The following LNX1 variants were observed in gnomAD, a reference collection of about 807,000 sequenced individuals.
The protein encoded by LNX1 is E3 ubiquitin-protein ligase LNX.
Under a neutral mutation model 68.4 loss-of-function variants are expected in LNX1, and 54 were observed. The observed-to-expected ratio is 0.79, with a 90% CI of 0.63 to 0.99. The LOEUF (loss-of-function observed/expected upper bound fraction) is 0.99. Among genes scored for constraint, LNX1 ranks in the 50% least tolerant of loss-of-function variants. The probability of loss-of-function intolerance (pLI) is 0.00; values close to 1 mark genes in which losing one functional copy is unlikely to be tolerated. For synonymous variants in LNX1, 336 were observed against 350.0 expected (o/e 0.96, Z 0.45); for missense variants, 906 against 926.4 (o/e 0.98, Z 0.29).
intron 2 of LNX1, among the ~76,000 whole-genome samples, chr4:53,512,849 G>A (rs1726456099): frequency 6.6e-6 from 1 of 152,044 alleles, no homozygotes; most frequent in African/African-American, 2.4e-5. Flanking sequence ...GGGGTTCCTG[G>A]GGCCAGGCTG....
intron 1 of LNX1, among the ~76,000 whole-genome samples, chr4:53,644,207 C>A (rs1275293549): frequency 1.3e-5 from 2 of 152,046 alleles, no homozygotes; most frequent in African/African-American, 4.8e-5. Context: ...TTGAGACCAG[C>A]CTGGCCAGCA....
At chr4:53,467,817 G>A (rs1231484984) in intron 9 of LNX1, among the ~76,000 whole-genome samples, 13 of 152,174 alleles carry the variant, frequency 8.5e-5, no homozygotes, top group African/African-American at 3.1e-4. Flanking sequence ...AATGAACAAA[G>A]TCTCCAAGAA....
Position 53,460,887 on chromosome 4 carries a change from C to T in LNX1, c.*20G>A. 1.9e-6 allele frequency: 3 copies of T among 1,601,728 alleles called. No homozygotes were observed. Among genetic ancestry groups the T allele is most frequent in the Non-Finnish European group, 2.6e-6 (3 of 1,174,674 alleles). On this transcript the variant is annotated 3_prime_UTR_variant, in exon 11 of 11. Coordinates refer to ENST00000263925, the MANE Select transcript of LNX1 (RefSeq NM_001126328.3). ...AGCCTATTTGTGATTTTTCTGTTTT[C>T]CTCTGACCCATCATTGATTCTATAA...
At position 53,459,548 on chromosome 4, in the gene LNX1, G is replaced by C. The variant is rs1369078516; in HGVS notation, c.*1359C>G. 3 of 1,526,320 alleles carry C rather than the reference G, an allele frequency of 2.0e-6. No homozygotes were observed. Among genetic ancestry groups the C allele is most frequent in the Non-Finnish European group, 2.7e-6 (3 of 1,110,606 alleles). The allele number at this position is 1,526,320 out of a possible 1,614,324, so 94.5% of individuals were successfully genotyped here. On this transcript the variant is annotated 3_prime_UTR_variant, in exon 11 of 11. Transcript: ENST00000263925. The stretch of plus-strand genomic sequence containing the variant: ...GTTTAAGAAATTTACCTTAAATCTT[G>C]TTCTGTTTGTTAGTATGAAAAGTTA...
At chr4:53,508,864 C>G (rs1466458539) in intron 2 of LNX1, among the ~76,000 whole-genome samples, 1 of 152,068 alleles carries the variant, frequency 6.6e-6, no homozygotes, top group African/African-American at 2.4e-5. Flanking sequence ...ATGTTGTCTA[C>G]CATTAAGAGA....
chr4:53,522,708 G>T (rs1727318651), intron 2 of LNX1, among the ~76,000 whole-genome samples: 1 of 152,056 alleles, frequency 6.6e-6, no homozygotes. Context: ...GATTTCAAAA[G>T]TAATTGAGGC....
chr4:53,644,323 C>A (rs1456015069), intron 1 of LNX1, among the ~76,000 whole-genome samples: 1 of 152,094 alleles, frequency 6.6e-6, no homozygotes, highest in Non-Finnish European at 1.5e-5. Context: ...ATCGCTTGAA[C>A]CCAGGAGGTG....
intron 4 of LNX1, among the ~76,000 whole-genome samples, chr4:53,506,268 C>T (rs576318429): frequency 6.6e-6 from 1 of 152,268 alleles, no homozygotes; most frequent in South Asian, 2.1e-4. Context: ...GTCCTATCCC[C>T]TTAACATTAT....
upstream of LNX1, among the ~76,000 whole-genome samples, chr4:53,621,154 A>G (rs1733853949): frequency 6.6e-6 from 1 of 152,178 alleles, no homozygotes; most frequent in African/African-American, 2.4e-5. Flanking sequence ...CTCCTGACCT[A>G]TGGCATCCAC....
At chr4:53,467,757 T>G (rs545730428) in intron 9 of LNX1, among the ~76,000 whole-genome samples, 18 of 151,752 alleles carry the variant, frequency 1.2e-4, no homozygotes, top group African/African-American at 4.4e-4. Flanking sequence ...GAAGACAAAA[T>G]GAATGAAATG....
intron 9 of LNX1, among the ~76,000 whole-genome samples, chr4:53,471,119 C>T (rs1723141123): frequency 7.2e-6 from 1 of 139,134 alleles, no homozygotes; most frequent in South Asian, 2.5e-4. Context: ...ACCAAAACAG[C>T]ATGGTACTGG....
chr4:53,600,215 C>T (rs541955904), intron 2 of LNX1, among the ~76,000 whole-genome samples: 20 of 152,162 alleles, frequency 1.3e-4, no homozygotes, highest in Non-Finnish European at 2.5e-4. Context: ...GTACTCTGTC[C>T]TCTAAGAGCC....
chr4:53,584,021 A>G (rs1731999886), intron 1 of LNX1, among the ~76,000 whole-genome samples: 1 of 152,218 alleles, frequency 6.6e-6, no homozygotes, highest in Non-Finnish European at 1.5e-5. Context: ...AGCTCTGTTC[A>G]TGCTAGGAGT....
chr4:53,563,279 C>A (rs1730408408), intron 2 of LNX1, among the ~76,000 whole-genome samples: 1 of 152,154 alleles, frequency 6.6e-6, no homozygotes, highest in Admixed American at 6.5e-5. Context: ...AAAGATCAAG[C>A]AAACCAATGC....
At chr4:53,462,037 C>A (rs1185811339) in intron 9 of LNX1, among the ~76,000 whole-genome samples, 1 of 152,036 alleles carries the variant, frequency 6.6e-6, no homozygotes, top group Non-Finnish European at 1.5e-5. Flanking sequence ...TAAGCCTAAT[C>A]CTAATAAATG....
At chr4:53,560,363 A>G (rs1475317539) in intron 2 of LNX1, among the ~76,000 whole-genome samples, 5 of 152,242 alleles carry the variant, frequency 3.3e-5, no homozygotes, top group Non-Finnish European at 7.3e-5. Context: ...TGACTGCAAT[A>G]TAAACATGAA....
chr4:53,608,589 C>T (rs781084127), intron 2 of LNX1, among the ~76,000 whole-genome samples: 7 of 152,076 alleles, frequency 4.6e-5, no homozygotes, highest in East Asian at 1.9e-4. Context: ...GATTACCATT[C>T]GACCCAACAA....
At chr4:53,538,010 A>T (rs1379583604) in intron 2 of LNX1, among the ~76,000 whole-genome samples, 1 of 152,240 alleles carries the variant, frequency 6.6e-6, no homozygotes, top group African/African-American at 2.4e-5. Flanking sequence ...ATTCTGTCTC[A>T]TTCTGAATAC....
At chr4:53,578,963 G>A (rs1731663439) in intron 1 of LNX1, among the ~76,000 whole-genome samples, 1 of 151,160 alleles carries the variant, frequency 6.6e-6, no homozygotes, top group Admixed American at 6.8e-5. Flanking sequence ...TATTTGCAGT[G>A]TATAGCTTAT....
Sources: allele counts gnomAD v4.1 joint callset (sites outside exome capture counted in the v4.1 genomes callset), GRCh38; gene constraint gnomAD v4.1.1; transcripts MANE v1.5; gene names NCBI Gene and HGNC (gene_info 2026-07-23, HGNC 2026-07-21).